The following CNTN3 variants were observed in gnomAD, a reference collection of about 807,000 sequenced individuals.
The protein encoded by CNTN3 is contactin-3.
Under a neutral mutation model 119.1 loss-of-function variants are expected in CNTN3, and 60 were observed. The ratio of observed to expected loss-of-function variants is 0.50; its 90% confidence interval spans 0.41 to 0.62. The LOEUF is 0.62. CNTN3 is among the 20% of genes least tolerant of loss of function. The pLI is 0.00. For synonymous variants in CNTN3, 450 were observed against 438.7 expected (o/e 1.03, Z -0.32); for missense variants, 1,101 against 1,242.4 (o/e 0.89, Z 1.71).
chr3:74,451,582 C>T (rs1702156675), intron 4 of CNTN3, among the ~76,000 whole-genome samples: 1 of 152,104 alleles, frequency 6.6e-6, no homozygotes, highest in African/African-American at 2.4e-5. Flanking sequence ...GACATGAAGT[C>T]CTTGCCCGTG....
intron 5 of CNTN3, among the ~76,000 whole-genome samples, chr3:74,403,284 T>G (rs964671418): frequency 1.3e-5 from 2 of 152,144 alleles, no homozygotes; most frequent in Non-Finnish European, 2.9e-5. Context: ...GAGGAATTGC[T>G]GACAGAATAT....
At chr3:74,599,238 G>A (rs1704865943) in intron 1 of CNTN3, among the ~76,000 whole-genome samples, 1 of 152,068 alleles carries the variant, frequency 6.6e-6, no homozygotes, top group African/African-American at 2.4e-5. Context: ...TACAGGGGTA[G>A]CCAAGAAATA....
chr3:74,344,864 C>CGT (rs1285333220), intron 11 of CNTN3, among the ~76,000 whole-genome samples: 14 of 136,656 alleles, frequency 1.0e-4, no homozygotes, highest in Non-Finnish European at 1.0e-4. Context: ...CATATGTATA[C>CGT]GTATACACAC....
intron 2 of CNTN3, among the ~76,000 whole-genome samples, chr3:74,512,879 G>A (rs918028522): frequency 4.2e-5 from 6 of 142,010 alleles, no homozygotes; most frequent in East Asian, 2.1e-4. Flanking sequence ...CACTTCTCTC[G>A]TTTTGTACAT....
intron 13 of CNTN3, among the ~76,000 whole-genome samples, chr3:74,318,550 C>T (rs113703545): frequency 0.012 from 1,902 of 152,216 alleles, 36 homozygotes; most frequent in African/African-American, 0.042. Context: ...TTCCTTCTAA[C>T]GGACAGGACC....
rs78229265 is a variant in CNTN3, at chr3:74,612,063, A to C, written c.-81+2328T>G. On this transcript the variant is annotated intron_variant, in intron 1 of 22. Coordinates refer to ENST00000263665, the MANE Select transcript of CNTN3 (RefSeq NM_020872.3). Reference sequence around the variant, plus strand: ...CAGATCTGACAGTTTGGAAGCAGCAATTATATCTATATACTATTTCAGCAT... The same window carrying C: ...CAGATCTGACAGTTTGGAAGCAGCACTTATATCTATATACTATTTCAGCAT... Among the ~76,000 whole-genome samples, 960 of 152,302 alleles carry C rather than the reference A, an allele frequency of 6.3e-3. 6 individuals are homozygous for C. The highest frequency in any genetic ancestry group is 0.022 in the African/African-American group (917 of 41,576).
chr3:74,375,719 A>G (rs541734192), intron 5 of CNTN3, among the ~76,000 whole-genome samples: 9 of 152,288 alleles, frequency 5.9e-5, no homozygotes, highest in African/African-American at 2.2e-4. Context: ...GCAGGTGGCC[A>G]CTGGAAGCCA....
Position 74,599,666 on chromosome 3 carries a change from C to CA in CNTN3, c.-81+14724dup, listed in dbSNP as rs564760194. 3.9e-5 allele frequency among the ~76,000 whole-genome samples: 6 copies of CA among 152,112 alleles called. No individual in the cohort carries two copies. In the East Asian group the frequency reaches 1.2e-3, roughly 30 times the overall value. The stretch of plus-strand genomic sequence containing the variant: ...AGTGATAGGTAATAGTAATAGGATA[C>CA]AAAAAACCATGTACAAGCCACCAAA... On this transcript the variant is annotated intron_variant, in intron 1 of 22. Transcript: ENST00000263665.
At chr3:74,318,983 A>C (rs1575722343) in intron 13 of CNTN3, among the ~76,000 whole-genome samples, 1 of 152,314 alleles carries the variant, frequency 6.6e-6, no homozygotes, top group South Asian at 2.1e-4. Context: ...TCTTCAAAGA[A>C]AACTACAAAC....
chr3:74,586,379 C>A (rs1704592813), intron 1 of CNTN3, among the ~76,000 whole-genome samples: 1 of 152,108 alleles, frequency 6.6e-6, no homozygotes, highest in African/African-American at 2.4e-5. Flanking sequence ...GACTGACTAA[C>A]AGAAACACTT....
At chr3:74,328,994 C>A (rs1047640414) in intron 13 of CNTN3, among the ~76,000 whole-genome samples, 4 of 152,116 alleles carry the variant, frequency 2.6e-5, no homozygotes, top group African/African-American at 9.7e-5. Context: ...ACTCAGAATA[C>A]CCCCAGAAGT....
At chr3:74,500,378 GA>G (rs894538498) in intron 2 of CNTN3, among the ~76,000 whole-genome samples, 3 of 146,866 alleles carry the variant, frequency 2.0e-5, no homozygotes, top group East Asian at 4.0e-4. Flanking sequence ...TCCACATAGA[GA>G]AAAAAAAACA....
chr3:74,302,738 G>T lies in CNTN3; in HGVS notation c.1738C>A (p.Gln580Lys), dbSNP rs758770483. 3 of 1,613,238 alleles carry T rather than the reference G, an allele frequency of 1.9e-6. No individual in the cohort carries two copies. In the South Asian group the frequency reaches 3.3e-5, roughly 18 times the overall value. ...GATGAAACACTGTCCACCCCCGTTTGCACCATACAAACATATTTCCCACTG... is the reference window on the plus strand; with the variant it reads ...GATGAAACACTGTCCACCCCCGTTTTCACCATACAAACATATTTCCCACTG... ...KHSGKYVCMV[Q>K]TGVDSVSSAA... The change falls in exon 14 of 23, where the codon CAA becomes AAA. Residue 580 changes from glutamine (Q) to lysine (K), a missense_variant. Coordinates refer to ENST00000263665, the MANE Select transcript of CNTN3 (RefSeq NM_020872.3).
At chr3:74,409,137 G>T (rs1701395946) in intron 5 of CNTN3, among the ~76,000 whole-genome samples, 1 of 152,172 alleles carries the variant, frequency 6.6e-6, no homozygotes. Flanking sequence ...ACCTGAGGCT[G>T]TCTCTGAGAC....
chr3:74,377,519 A>G (rs1434866345), intron 5 of CNTN3, among the ~76,000 whole-genome samples: 15 of 152,200 alleles, frequency 9.9e-5, no homozygotes, highest in Non-Finnish European at 1.3e-4. Context: ...GTACTACGAT[A>G]AATAAAAAGC....
In CNTN3 at chr3:74,301,706, A is replaced by G; in HGVS notation, c.1886T>C (p.Ile629Thr). The change falls in exon 15 of 23, where the codon ATA becomes ACA. Residue 629 changes from isoleucine to threonine, a missense_variant. By Grantham distance (89) the Ile-to-Thr change is moderately conservative. Coordinates refer to ENST00000263665, the MANE Select transcript of CNTN3 (RefSeq NM_020872.3). The part of the protein sequence containing the change: ...KEGKDNHSPV[I>T]SYSIQARTPF... ...TGTCCGAGCCTGGATAGAATAGGATATAACTGGGCTATGGTTGTCTTTACC... is the reference window on the plus strand; with the variant it reads ...TGTCCGAGCCTGGATAGAATAGGATGTAACTGGGCTATGGTTGTCTTTACC... 6.2e-7 allele frequency: 1 copy of G among 1,614,100 alleles called. No homozygotes were observed. The highest frequency in any genetic ancestry group is 1.1e-5 in the South Asian group (1 of 91,082).
At chr3:74,274,295 T>A (rs1175051614) in intron 20 of CNTN3, among the ~76,000 whole-genome samples, 1 of 151,976 alleles carries the variant, frequency 6.6e-6, no homozygotes, top group Non-Finnish European at 1.5e-5. Flanking sequence ...CTCTCCATAC[T>A]ACCACAGCTG....
intron 5 of CNTN3, among the ~76,000 whole-genome samples, chr3:74,375,716 G>A (rs1233298174): frequency 6.6e-6 from 1 of 152,128 alleles, no homozygotes; most frequent in Non-Finnish European, 1.5e-5. Flanking sequence ...AGTGCAGGTG[G>A]CCACTGGAAG....
chr3:74,470,824 T>A lies in CNTN3; in HGVS notation c.358+15632A>T, dbSNP rs115918689. ...TTGCTGTGAACTGCACTACTATCCA[T>A]CCAACTCAATGAGAAAAATACTCCA... On this transcript the variant is annotated intron_variant, in intron 4 of 22. Transcript: ENST00000263665. Among the ~76,000 whole-genome samples the A allele has an allele frequency of 3.2e-3, 483 of 152,188 alleles. 3 individuals are homozygous for A. Among genetic ancestry groups the A allele is most frequent in the African/African-American group, 0.011 (461 of 41,510 alleles).
Sources: allele counts gnomAD v4.1 joint callset (sites outside exome capture counted in the v4.1 genomes callset), GRCh38; gene constraint gnomAD v4.1.1; transcripts MANE v1.5; gene names NCBI Gene and HGNC (gene_info 2026-07-23, HGNC 2026-07-21).